WNT11: variants seen among roughly 807,000 people sequenced by gnomAD.
WNT11 encodes Wnt family member 11, also known as protein Wnt-11.
A neutral mutation model predicts 35.6 loss-of-function variants in WNT11; 20 were observed. The ratio of observed to expected loss-of-function variants is 0.56; its 90% CI spans 0.40 to 0.82. The LOEUF (loss-of-function observed/expected upper bound fraction) is 0.82. Among genes scored for constraint, WNT11 ranks in the 40% least tolerant of loss-of-function variants. WNT11 has a pLI of 0.00. For missense variants in WNT11, 459 were observed against 504.4 expected (o/e 0.91, Z 0.86); for synonymous variants, 200 against 211.9 (o/e 0.94, Z 0.49).
In WNT11 at chr11:76,194,645, A is replaced by G. The variant is rs1193801118; in HGVS notation, c.519T>C (p.Asp173=). 1.3e-6 allele frequency: 2 copies of G among 1,550,618 alleles called. No homozygotes were observed. The highest frequency in any genetic ancestry group is 1.4e-5 in the African/African-American group (1 of 72,984). The part of the protein sequence containing the change: ...YGLLMGAKFS[D]APMKVKKTGS... ...CTGTTTTTTTCACCTTCATAGGAGC[A>G]TCGGAAAACTTGGCCCCCATGAGGA... The change falls in exon 3 of 5, where the codon GAT becomes GAC. Residue 173 remains aspartate (D), a synonymous_variant. Transcript: ENST00000322563. The surrounding 1 kb of genome is among the most constrained non-coding windows in gnomAD (Gnocchi z 5.4).
intron 4 of WNT11, among the ~76,000 whole-genome samples, chr11:76,189,975 A>G (rs1533765): frequency 0.77 from 116,339 of 151,836 alleles, 44,882 homozygotes; most frequent in African/African-American, 0.85. Flanking sequence ...CAGGAGGGTA[A>G]GTGGTGCTGA....
chr11:76,203,256 C>T (rs940752547), intron 1 of WNT11, among the ~76,000 whole-genome samples: 1 of 152,210 alleles, frequency 6.6e-6, no homozygotes, highest in African/African-American at 2.4e-5. Flanking sequence ...GAAGCTAAAG[C>T]GATTGACCTG....
chr11:76,206,289 CT>C, intron 1 of WNT11, 35 bp downstream of exon 1: 1 of 1,466,162 alleles, frequency 6.8e-7, no homozygotes. Flanking sequence ...GCCCCAGTCC[CT>C]GGCCTGTGCG....
In WNT11 at chr11:76,194,402, CTGGCG is replaced by C. The variant is rs1953236776; in HGVS notation, c.597+160_597+164del. ...GGAAAGCGACACAAGCCCCAAGCAG[CTGGCG>C]AGGGAAGGGCTGAGGATGAGGATGG... On this transcript the variant is annotated intron_variant, in intron 3 of 4. Transcript: ENST00000322563. The surrounding 1 kb of genome is among the most constrained non-coding windows in gnomAD (Gnocchi z 5.4). Among the ~76,000 whole-genome samples the C allele has an allele frequency of 1.3e-5, 2 of 151,950 alleles. No homozygotes were observed. Among genetic ancestry groups the C allele is most frequent in the Non-Finnish European group, 2.9e-5 (2 of 67,998 alleles).
chr11:76,199,520 C>T (rs908878120), intron 1 of WNT11, among the ~76,000 whole-genome samples: 2 of 151,388 alleles, frequency 1.3e-5, no homozygotes, highest in Non-Finnish European at 2.9e-5. Context: ...AGAACGTAGG[C>T]AAAGTGTTTA....
At chr11:76,197,210 A>G (rs1179279336) in intron 1 of WNT11, among the ~76,000 whole-genome samples, 2 of 152,260 alleles carry the variant, frequency 1.3e-5, no homozygotes, top group Non-Finnish European at 2.9e-5. Flanking sequence ...TACATGTGGT[A>G]GGAGTTTTCC....
upstream of WNT11, among the ~76,000 whole-genome samples, chr11:76,207,597 G>A (rs1034160314): frequency 1.3e-5 from 2 of 152,142 alleles, no homozygotes; most frequent in Non-Finnish European, 2.9e-5. Flanking sequence ...GGGATGGTAG[G>A]GCTCTTTGTA....
At chr11:76,209,554 G>A (rs1029029003), upstream of WNT11, among the ~76,000 whole-genome samples, 5 of 152,198 alleles carry the variant, frequency 3.3e-5, no homozygotes, top group African/African-American at 4.8e-5. Context: ...CAGGGACGCC[G>A]AGCGACGGCT....
chr11:76,194,467 C>A lies in WNT11; in HGVS notation c.597+100G>T, dbSNP rs925648766. The A allele has an allele frequency of 7.1e-7, 1 of 1,404,810 alleles. No homozygotes were observed. The highest frequency in any genetic ancestry group is 9.5e-7 in the Non-Finnish European group (1 of 1,048,684). The allele number at this position is 1,404,810 out of a possible 1,614,324, so 87.0% of individuals were successfully genotyped here. ...CATCAGGTGTGGGCCAGTCAGGGCC[C>A]GTCCCCCCGCACCCCCCACCACTGG... On this transcript the variant is annotated intron_variant, in intron 3 of 4. Transcript: ENST00000322563. The surrounding 1 kb of genome is among the most constrained non-coding windows in gnomAD (Gnocchi z 5.4).
At chr11:76,188,771 C>T (rs904457662) in intron 4 of WNT11, among the ~76,000 whole-genome samples, 23 of 152,356 alleles carry the variant, frequency 1.5e-4, no homozygotes, top group African/African-American at 5.3e-4. Flanking sequence ...GAAAGGCCAT[C>T]TAGGCCATTC....
intron 3 of WNT11, among the ~76,000 whole-genome samples, chr11:76,192,762 G>A (rs1223822199): frequency 6.6e-6 from 1 of 152,218 alleles, no homozygotes; most frequent in African/African-American, 2.4e-5. Context: ...ATTCATACCT[G>A]AGGGGCAGAA....
chr11:76,198,138 G>T (rs1953317372), intron 1 of WNT11, among the ~76,000 whole-genome samples: 2 of 152,192 alleles, frequency 1.3e-5, no homozygotes, highest in African/African-American at 4.8e-5. Flanking sequence ...CAAGGGCACT[G>T]CACAGGCTTG....
At position 76,186,623 on chromosome 11, in the gene WNT11, AC is replaced by A. The variant is rs1390485546; in HGVS notation, c.*441del. The A allele has an allele frequency of 4.8e-5, 12 of 251,876 alleles. No homozygotes were observed. In the South Asian group the frequency reaches 5.4e-4, roughly 11 times the overall value. The allele number at this position is 251,876 out of a possible 1,614,324, so 15.6% of individuals were successfully genotyped here. The stretch of plus-strand genomic sequence containing the variant: ...CAAAAAACAAAAGAAAACATTTACA[AC>A]CCAAGCTAGTGATTCCATGTGGTGG... On this transcript the variant is annotated 3_prime_UTR_variant, in exon 5 of 5. Coordinates refer to ENST00000322563, the MANE Select transcript of WNT11 (RefSeq NM_004626.3).
chr11:76,196,854 A>T (rs1953296886), intron 1 of WNT11, 136 bp from the exon 2 acceptor site: 1 of 986,666 alleles, frequency 1.0e-6, no homozygotes, highest in Non-Finnish European at 1.5e-6. Context: ...CTCCTTCCAA[A>T]AAAGGCTCCC....
chr11:76,198,861 G>T (rs1953330305), intron 1 of WNT11, among the ~76,000 whole-genome samples: 1 of 152,192 alleles, frequency 6.6e-6, no homozygotes, highest in African/African-American at 2.4e-5. Context: ...GCCAGGCGCG[G>T]TGGCTTACAC....
At chr11:76,188,522 G>A (rs1206959868) in intron 4 of WNT11, among the ~76,000 whole-genome samples, 2 of 152,256 alleles carry the variant, frequency 1.3e-5, no homozygotes, top group African/African-American at 4.8e-5. Context: ...GGCTAGACAG[G>A]GAGTGTTTTC....
At chr11:76,204,896 T>C (rs1033512147) in intron 1 of WNT11, among the ~76,000 whole-genome samples, 2 of 152,142 alleles carry the variant, frequency 1.3e-5, no homozygotes, top group African/African-American at 4.8e-5. Flanking sequence ...TGACGCTCCT[T>C]CAGCCAATCC....
chr11:76,204,460 C>A (rs925073184), intron 1 of WNT11, among the ~76,000 whole-genome samples: 3 of 152,212 alleles, frequency 2.0e-5, no homozygotes, highest in African/African-American at 7.2e-5. Flanking sequence ...CCGCCTAGGA[C>A]GCCTGCTTTG....
intron 1 of WNT11, among the ~76,000 whole-genome samples, chr11:76,201,213 G>A (rs970939627): frequency 5.9e-5 from 9 of 152,220 alleles, no homozygotes; most frequent in Admixed American, 5.2e-4. Flanking sequence ...CAGAGGCCCT[G>A]GTGGGCCCAG....
Sources: allele counts gnomAD v4.1 joint callset (sites outside exome capture counted in the v4.1 genomes callset), GRCh38; gene constraint gnomAD v4.1.1; non-coding constraint Gnocchi (gnomAD v3.1); transcripts MANE v1.5; gene names NCBI Gene and HGNC (gene_info 2026-07-23, HGNC 2026-07-21).